UQCC1: variants seen among roughly 807,000 people sequenced by gnomAD.
The protein encoded by UQCC1 is ubiquinol-cytochrome c reductase complex assembly factor 1.
UQCC1 carries 38 observed loss-of-function variants against 48.0 expected under a neutral mutation model. The observed-to-expected ratio is 0.79, with a 90% CI of 0.61 to 1.04. UQCC1 has a LOEUF of 1.04. Ranked by LOEUF, UQCC1 falls within the 50% of genes least tolerant of loss-of-function variation. The probability of loss-of-function intolerance (pLI) is 0.00; values close to 1 mark genes in which losing one functional copy is unlikely to be tolerated. For missense variants in UQCC1, 368 were observed against 381.8 expected (o/e 0.96, Z 0.30); for synonymous variants, 111 against 129.2 (o/e 0.86, Z 0.95).
At chr20:35,307,924 G>C (rs2060946966) in intron 8 of UQCC1, among the ~76,000 whole-genome samples, 1 of 152,164 alleles carries the variant, frequency 6.6e-6, no homozygotes. Context: ...CGGCCTTTAA[G>C]AAGCTATTAG....
At chr20:35,402,655 T>C (rs1402380467) in intron 1 of UQCC1, among the ~76,000 whole-genome samples, 3 of 151,592 alleles carry the variant, frequency 2.0e-5, no homozygotes, top group African/African-American at 4.8e-5. Context: ...TAGCCGGGCA[T>C]GGTGGCGCAT....
chr20:35,316,053 A>T (rs2061054886), intron 7 of UQCC1, among the ~76,000 whole-genome samples: 1 of 152,158 alleles, frequency 6.6e-6, no homozygotes, highest in Admixed American at 6.5e-5. Context: ...TCTGACCTCC[A>T]GACAGTAACA....
intron 5 of UQCC1, among the ~76,000 whole-genome samples, chr20:35,368,361 G>A (rs73280176): frequency 0.028 from 4,313 of 152,186 alleles, 218 homozygotes; most frequent in African/African-American, 0.098. Context: ...CCTGAGGTAG[G>A]CATTGATATT....
intron 7 of UQCC1, among the ~76,000 whole-genome samples, chr20:35,335,711 T>C (rs2061308296): frequency 6.6e-6 from 1 of 152,300 alleles, no homozygotes; most frequent in African/African-American, 2.4e-5. Flanking sequence ...AGGATTTCTA[T>C]CTGAGGTAAT....
chr20:35,387,054 G>T (rs2061952744), intron 2 of UQCC1, among the ~76,000 whole-genome samples: 1 of 151,766 alleles, frequency 6.6e-6, no homozygotes, highest in South Asian at 2.1e-4. Context: ...AGGCGGGAGG[G>T]TTGCCTGAGT....
intron 8 of UQCC1, 89 bp from the exon 9 acceptor site, chr20:35,306,868 A>G (rs1235076980): frequency 9.4e-7 from 1 of 1,060,610 alleles, no homozygotes. Flanking sequence ...GCTAGCAACC[A>G]TGGAATCAGC....
At chr20:35,410,716 A>AAAAAAAAAAAAAAAAAAAAAAAAAAAC (rs1370852913) in intron 1 of UQCC1, among the ~76,000 whole-genome samples, 6 of 108,762 alleles carry the variant, frequency 5.5e-5, no homozygotes, top group South Asian at 4.3e-4. Context: ...AAAAAAAAAA[A>AAAAAAAAAAAAAAAAAAAAAAAAAAAC]AAAAAAAACA....
intron 6 of UQCC1, among the ~76,000 whole-genome samples, chr20:35,355,698 G>A: frequency 6.6e-6 from 1 of 152,090 alleles, no homozygotes; most frequent in Non-Finnish European, 1.5e-5. Flanking sequence ...TAAAAACCAA[G>A]TCTCCTTCCT....
intron 4 of UQCC1, among the ~76,000 whole-genome samples, chr20:35,378,970 T>A (rs1053280544): frequency 3.3e-5 from 5 of 152,372 alleles, no homozygotes; most frequent in Admixed American, 6.5e-5. Context: ...TCAACCGTTC[T>A]TAACAGTTTC....
At position 35,338,225 on chromosome 20, in the gene UQCC1, T is replaced by C. The variant is rs145296447; in HGVS notation, c.573+8939A>G. On this transcript the variant is annotated intron_variant, in intron 7 of 9. Coordinates refer to ENST00000374385, the MANE Select transcript of UQCC1 (RefSeq NM_018244.5). ...TGTTGAGTAGGAAGTCTCTGCCGTATTGGATTAGAAATTGAGTAAAAGAGG... is the reference window on the plus strand; with the variant it reads ...TGTTGAGTAGGAAGTCTCTGCCGTACTGGATTAGAAATTGAGTAAAAGAGG... Among the ~76,000 whole-genome samples, 26 of 152,260 alleles carry C rather than the reference T, an allele frequency of 1.7e-4. No homozygotes were observed. In the East Asian group the frequency reaches 3.9e-3, roughly 23 times the overall value.
At position 35,303,333 on chromosome 20, in the gene UQCC1, AGC is replaced by A. The variant is rs1049782871; in HGVS notation, c.*600_*601del. On this transcript the variant is annotated 3_prime_UTR_variant, in exon 10 of 10. Transcript: ENST00000374385. ...ATCTCCATGAACTAGAGGCAAGAGC[AGC>A]AGAGACCATCCCAGCCTCTTCCCTT... 4.6e-5 allele frequency: 7 copies of A among 153,138 alleles called. No homozygotes were observed. Among genetic ancestry groups the A allele is most frequent in the African/African-American group, 1.7e-4 (7 of 41,456 alleles). The allele number at this position is 153,138 out of a possible 1,614,324, so 9.5% of individuals were successfully genotyped here. A position where few individuals can be genotyped will look rare whatever the true frequency, so the allele number is the denominator to read the frequency against.
intron 7 of UQCC1, among the ~76,000 whole-genome samples, chr20:35,338,892 A>AAAAAAAAAATATAT (rs1555805500): frequency 3.3e-5 from 1 of 30,560 alleles, no homozygotes; most frequent in Non-Finnish European, 4.8e-5. Flanking sequence ...AAAAAAAAAA[A>AAAAAAAAAATATAT]ATATATATAT....
In UQCC1 at chr20:35,405,616, G is replaced by A. The variant is rs575153831; in HGVS notation, c.24+6324C>T. 6.6e-5 allele frequency among the ~76,000 whole-genome samples: 10 copies of A among 152,280 alleles called. No homozygotes were observed. In the East Asian group the frequency reaches 7.7e-4, roughly 12 times the overall value. Reference sequence around the variant, plus strand: ...GAACTATAAGAAAGTGGCCGGGTGCGGTGGCTTACACCTGTAATCCCAGCA... The same window carrying A: ...GAACTATAAGAAAGTGGCCGGGTGCAGTGGCTTACACCTGTAATCCCAGCA... On this transcript the variant is annotated intron_variant, in intron 1 of 9. Coordinates refer to ENST00000374385, the MANE Select transcript of UQCC1 (RefSeq NM_018244.5).
chr20:35,353,808 C>T (rs1323552338), intron 6 of UQCC1, among the ~76,000 whole-genome samples: 1 of 151,850 alleles, frequency 6.6e-6, no homozygotes, highest in Non-Finnish European at 1.5e-5. Context: ...AAAAAATTAG[C>T]TTAGCTTAAG....
intron 2 of UQCC1, among the ~76,000 whole-genome samples, chr20:35,391,957 A>T (rs2146509311): frequency 6.6e-6 from 1 of 152,320 alleles, no homozygotes; most frequent in South Asian, 2.1e-4. Flanking sequence ...GAGGCTAATT[A>T]AGACAAAGCT....
At chr20:35,321,023 C>T (rs2061118215) in intron 7 of UQCC1, among the ~76,000 whole-genome samples, 2 of 152,206 alleles carry the variant, frequency 1.3e-5, no homozygotes, top group African/African-American at 4.8e-5. Context: ...TGTGCGGCAA[C>T]AGGCTGATGT....
At chr20:35,373,361 G>A (rs1334566065) in intron 5 of UQCC1, among the ~76,000 whole-genome samples, 5 of 152,090 alleles carry the variant, frequency 3.3e-5, no homozygotes, top group Non-Finnish European at 7.4e-5. Flanking sequence ...CTGGCCAAAC[G>A]TCCATGTCAA....
intron 1 of UQCC1, among the ~76,000 whole-genome samples, chr20:35,399,957 A>G (rs1268852592): frequency 7.9e-5 from 8 of 101,368 alleles, no homozygotes; most frequent in African/African-American, 1.2e-4. Context: ...ATGGAGTCTT[A>G]CTCTGTCACC....
chr20:35,365,923 T>A (rs1412063167), intron 6 of UQCC1, among the ~76,000 whole-genome samples: 3 of 152,174 alleles, frequency 2.0e-5, no homozygotes, highest in Non-Finnish European at 4.4e-5. Flanking sequence ...TTTCCCAAGA[T>A]CTGGCAGTTC....
Sources: gnomAD v4.1 joint callset for allele counts (sites outside exome capture counted in the v4.1 genomes callset) on GRCh38, gnomAD v4.1.1 for gene constraint, MANE v1.5 for transcripts, NCBI Gene and HGNC (gene_info 2026-07-23, HGNC 2026-07-21) for gene names.